Variants in PDE7B observed in about 807,000 individuals in gnomAD.
PDE7B encodes the protein phosphodiesterase 7B.
PDE7B carries 29 observed loss-of-function variants against 56.2 expected under a neutral mutation model. The observed-to-expected ratio is 0.52, with a 90% CI of 0.38 to 0.70. The LOEUF (loss-of-function observed/expected upper bound fraction) is 0.70. PDE7B is among the 30% of genes least tolerant of loss of function. The pLI is 0.00. For synonymous variants in PDE7B, 197 were observed against 196.9 expected, an observed-to-expected ratio of 1.00 and a Z score of 0.00; for missense variants, 490 against 565.0, an observed-to-expected ratio of 0.87 and a Z score of 1.35.
chr6:136,190,193 A>T (rs1779200139), intron 12 of PDE7B, among the ~76,000 whole-genome samples: 2 of 152,202 alleles, frequency 1.3e-5, no homozygotes, highest in Non-Finnish European at 2.9e-5. Context: ...AAAATTCAAG[A>T]ACAGCAAGCA....
intron 1 of PDE7B, among the ~76,000 whole-genome samples, chr6:135,935,126 ATGAAGT>A: frequency 1.0e-5 from 1 of 99,244 alleles, no homozygotes; most frequent in African/African-American, 4.2e-5. Context: ...ATAGAGAGAG[ATGAAGT>A]ATATATTTAT....
chr6:136,134,638 C>T (rs1778178164), intron 3 of PDE7B, among the ~76,000 whole-genome samples: 1 of 143,066 alleles, frequency 7.0e-6, no homozygotes, highest in African/African-American at 3.0e-5. Flanking sequence ...GCCTTTTTTC[C>T]CCTCCTTACA....
chr6:136,068,830 C>T (rs935538010), intron 2 of PDE7B, among the ~76,000 whole-genome samples: 8 of 152,166 alleles, frequency 5.3e-5, no homozygotes, highest in Admixed American at 4.6e-4. Flanking sequence ...GTGCCAGACT[C>T]TTTAGTTGAT....
At chr6:135,907,243 AT>A (rs1426175680) in intron 1 of PDE7B, among the ~76,000 whole-genome samples, 2 of 152,120 alleles carry the variant, frequency 1.3e-5, no homozygotes, top group Non-Finnish European at 2.9e-5. Context: ...TGGTAGAGAG[AT>A]TTTGACATTC....
intron 1 of PDE7B, among the ~76,000 whole-genome samples, chr6:135,856,829 T>C (rs1775038278): frequency 6.6e-6 from 1 of 152,200 alleles, no homozygotes; most frequent in Admixed American, 6.5e-5. Flanking sequence ...TTTTAAAAGC[T>C]TAAATCCTTT....
intron 2 of PDE7B, among the ~76,000 whole-genome samples, chr6:136,072,238 A>C (rs1390385841): frequency 6.6e-6 from 1 of 152,324 alleles, no homozygotes; most frequent in Non-Finnish European, 1.5e-5. Flanking sequence ...AGGCGAGGAG[A>C]GAGAAAGACA....
chr6:135,938,575 T>C (rs565626673), intron 1 of PDE7B, among the ~76,000 whole-genome samples: 54 of 152,304 alleles, frequency 3.5e-4, no homozygotes, highest in African/African-American at 1.3e-3. Context: ...TTTTCTAAAA[T>C]GGAGCTTGTG....
At chr6:136,016,888 G>A (rs1775986761) in intron 2 of PDE7B, among the ~76,000 whole-genome samples, 1 of 152,224 alleles carries the variant, frequency 6.6e-6, no homozygotes, top group Non-Finnish European at 1.5e-5. Context: ...CAAGAATAAT[G>A]CAGTCAAAGA....
intron 1 of PDE7B, among the ~76,000 whole-genome samples, chr6:135,916,228 G>T (rs1405929932): frequency 6.6e-6 from 1 of 152,024 alleles, no homozygotes; most frequent in Non-Finnish European, 1.5e-5. Context: ...TTTTGTTGTT[G>T]TTGTTGTTGT....
chr6:136,187,892 A>G (rs1343131727), intron 12 of PDE7B, among the ~76,000 whole-genome samples: 2 of 152,108 alleles, frequency 1.3e-5, no homozygotes, highest in East Asian at 3.9e-4. Flanking sequence ...GTTCCCTTCC[A>G]TTGAATCCGA....
chr6:135,894,654 G>A (rs953030649), intron 1 of PDE7B, among the ~76,000 whole-genome samples: 2 of 152,116 alleles, frequency 1.3e-5, no homozygotes, highest in Admixed American at 6.6e-5. Context: ...ATTCCAATGA[G>A]CTCTGCACAA....
chr6:135,916,910 C>T (rs73556591), intron 1 of PDE7B, among the ~76,000 whole-genome samples: 128 of 151,870 alleles, frequency 8.4e-4, no homozygotes, highest in African/African-American at 2.8e-3. Context: ...TAATTCATAT[C>T]TTATAAAGTA....
At chr6:135,931,753 T>C (rs535917169) in intron 1 of PDE7B, among the ~76,000 whole-genome samples, 233 of 152,254 alleles carry the variant, frequency 1.5e-3, no homozygotes, top group African/African-American at 5.2e-3. Context: ...TTGGAACATT[T>C]TGAGGCTTTA....
chr6:135,928,489 A>ATATATATATTTATATATATATATT lies in PDE7B; in HGVS notation c.22-18966_22-18965insTTATATATATATATTTATATATAT, dbSNP rs1774236251. ...TTTATTTATATATATATATTTATTTATATATATATATTTATATATATATAT... is the reference window on the plus strand; with the variant it reads ...TTTATTTATATATATATATTTATTTATATATATATTTATATATATATATTTATATATATATTTATATATATATAT... On this transcript the variant is annotated intron_variant, in intron 1 of 12. Coordinates refer to ENST00000308191, the MANE Select transcript of PDE7B (RefSeq NM_018945.4). 1.5e-3 allele frequency among the ~76,000 whole-genome samples: 122 copies of ATATATATATTTATATATATATATT among 81,604 alleles called. 3 individuals are homozygous for ATATATATATTTATATATATATATT. Among genetic ancestry groups the ATATATATATTTATATATATATATT allele is most frequent in the Non-Finnish European group, 2.2e-3 (89 of 41,174 alleles). 53.5% of individuals were successfully genotyped at this position (81,604 alleles called of 152,430 possible). A position where few individuals can be genotyped will look rare whatever the true frequency, so the allele number is the denominator to read the frequency against.
At chr6:136,055,247 A>G (rs903961739) in intron 2 of PDE7B, among the ~76,000 whole-genome samples, 1 of 152,254 alleles carries the variant, frequency 6.6e-6, no homozygotes, top group African/African-American at 2.4e-5. Context: ...TTAGCAGAAC[A>G]TGTTTTATGT....
intron 2 of PDE7B, among the ~76,000 whole-genome samples, chr6:135,999,049 A>G (rs987145882): frequency 7.2e-5 from 11 of 152,278 alleles, no homozygotes; most frequent in South Asian, 4.2e-4. Flanking sequence ...TTTCTCTGCC[A>G]CAGACTCCTA....
At chr6:135,993,187 C>A (rs1176370421) in intron 2 of PDE7B, 1 of 152,226 alleles carries the variant, frequency 6.6e-6, no homozygotes, top group East Asian at 1.9e-4. Flanking sequence ...GTGGACTCAA[C>A]TGGTGAGAGG....
At chr6:136,005,016 A>G (rs539968205) in intron 2 of PDE7B, among the ~76,000 whole-genome samples, 2 of 152,368 alleles carry the variant, frequency 1.3e-5, no homozygotes, top group South Asian at 2.1e-4. Flanking sequence ...ATATAGATCA[A>G]TGGAACAGAA....
At chr6:135,896,974 T>G (rs1488919620) in intron 1 of PDE7B, among the ~76,000 whole-genome samples, 3 of 152,100 alleles carry the variant, frequency 2.0e-5, no homozygotes, top group African/African-American at 7.2e-5. Context: ...GCTTAGCACC[T>G]CCTCCTCTTT....
Sources: gnomAD v4.1 joint callset for allele counts (sites outside exome capture counted in the v4.1 genomes callset) on GRCh38, gnomAD v4.1.1 for gene constraint, MANE v1.5 for transcripts, NCBI Gene and HGNC (gene_info 2026-07-23, HGNC 2026-07-21) for gene names.